The following LRRC37A2 variants were observed in gnomAD, a reference collection of about 807,000 sequenced individuals.
The protein encoded by LRRC37A2 is leucine rich repeat containing 37 member A2.
LRRC37A2 carries 9 observed loss-of-function variants against 68.8 expected under a neutral mutation model. That is an observed-to-expected ratio of 0.13 (90% CI 0.08 to 0.23). LRRC37A2 has a LOEUF of 0.23. LRRC37A2 is among the 10% of genes least tolerant of loss of function. LRRC37A2 has a pLI of 1.00. For synonymous variants in LRRC37A2, 63 were observed against 367.6 expected (o/e 0.17, Z 9.48); for missense variants, 168 against 950.4 (o/e 0.18, Z 10.82).
At chr17:46,392,409 TTC>T in the LRRC37A2 span, among the ~76,000 whole-genome samples, 90 of 49,504 alleles carry the variant, frequency 1.8e-3, 1 homozygote, top group African/African-American at 3.4e-3. Context: ...CTTTCTTTCT[TTC>T]TCTCTCTCTC....
chr17:46,610,103 C>T, the LRRC37A2 span, among the ~76,000 whole-genome samples: 1 of 73,308 alleles, frequency 1.4e-5, no homozygotes, highest in Admixed American at 1.2e-4. Flanking sequence ...CTCTCTTTCT[C>T]TCTCTCTCTC....
the LRRC37A2 span, among the ~76,000 whole-genome samples, chr17:46,877,878 C>G: frequency 6.6e-6 from 1 of 152,226 alleles, no homozygotes; most frequent in Non-Finnish European, 1.5e-5. Context: ...TGGGTAGCCT[C>G]CTTCAGTTCC....
At chr17:46,868,268 C>T in the LRRC37A2 span, among the ~76,000 whole-genome samples, 1 of 152,242 alleles carries the variant, frequency 6.6e-6, no homozygotes, top group Non-Finnish European at 1.5e-5. Flanking sequence ...GATAGCATCT[C>T]ATTGGCCATA....
chr17:46,901,441 A>G, the LRRC37A2 span, among the ~76,000 whole-genome samples: 1 of 152,084 alleles, frequency 6.6e-6, no homozygotes, highest in South Asian at 2.1e-4. Context: ...GGATTACGGC[A>G]TGAGCCACCA....
chr17:46,495,336 G>C, the LRRC37A2 span, among the ~76,000 whole-genome samples: 1 of 148,340 alleles, frequency 6.7e-6, no homozygotes, highest in Non-Finnish European at 1.5e-5. Context: ...GCCTCCCAAA[G>C]TGCTGGGATT....
At chr17:46,773,531 C>A in the LRRC37A2 span, 1 of 1,020,546 alleles carries the variant, frequency 9.8e-7, no homozygotes, top group Admixed American at 2.7e-5. Flanking sequence ...GTGTGGCAGT[C>A]ATGCAACCAA....
chr17:46,865,493 G>C, the LRRC37A2 span, among the ~76,000 whole-genome samples: 166 of 152,318 alleles, frequency 1.1e-3, 1 homozygote, highest in South Asian at 1.9e-3. Context: ...TCATGGGGAT[G>C]GAGGGTGAGA....
At chr17:46,972,948 T>A in the LRRC37A2 span, 1 of 153,728 alleles carries the variant, frequency 6.5e-6, no homozygotes, top group African/African-American at 2.4e-5. Flanking sequence ...GTACGTCAAG[T>A]TTATTAGGAG....
At chr17:46,828,922 A>G in the LRRC37A2 span, among the ~76,000 whole-genome samples, 1 of 152,062 alleles carries the variant, frequency 6.6e-6, no homozygotes, top group South Asian at 2.1e-4. Flanking sequence ...CTGCACTCCA[A>G]CCTGTGTGAC....
the LRRC37A2 span, among the ~76,000 whole-genome samples, chr17:46,740,897 G>C: frequency 6.6e-6 from 1 of 151,852 alleles, no homozygotes; most frequent in Non-Finnish European, 1.5e-5. Context: ...CCTGACCGTT[G>C]GTGATCTGCC....
At chr17:46,967,204 G>A in the LRRC37A2 span, among the ~76,000 whole-genome samples, 2 of 152,238 alleles carry the variant, frequency 1.3e-5, no homozygotes, top group East Asian at 3.8e-4. Flanking sequence ...GTTACCTCCT[G>A]GTTTGGAGTG....
At chr17:46,931,323 A>G in the LRRC37A2 span, 1 of 712,236 alleles carries the variant, frequency 1.4e-6, no homozygotes, top group Non-Finnish European at 2.6e-6. Flanking sequence ...AAAAACTATG[A>G]CTATGCAAAG....
At chr17:46,936,393 C>G in the LRRC37A2 span, 2 of 985,406 alleles carry the variant, frequency 2.0e-6, no homozygotes, top group South Asian at 9.4e-5. Flanking sequence ...CAGCACACCT[C>G]TTGCCACCCA....
the LRRC37A2 span, chr17:46,930,037 G>T: frequency 1.7e-4 from 25 of 144,696 alleles, no homozygotes; most frequent in Middle Eastern, 7.2e-3. Context: ...CTGGTTTTTT[G>T]TTTTTTTTCA....
At chr17:46,713,863 C>T in the LRRC37A2 span, 2 of 1,611,406 alleles carry the variant, frequency 1.2e-6, no homozygotes, top group East Asian at 2.2e-5. Flanking sequence ...GCCCTCCTCA[C>T]AGTGGGAAGA....
chr17:46,778,314 A>G, the LRRC37A2 span, among the ~76,000 whole-genome samples: 1 of 152,202 alleles, frequency 6.6e-6, no homozygotes, highest in Non-Finnish European at 1.5e-5. Context: ...GATCTGGATG[A>G]GGGTTCAAGG....
the LRRC37A2 span, among the ~76,000 whole-genome samples, chr17:46,719,853 T>G: frequency 3.9e-5 from 6 of 152,222 alleles, no homozygotes; most frequent in East Asian, 1.2e-3. The surrounding 1 kb of genome is among the most constrained non-coding windows in gnomAD (Gnocchi z 4.3). Flanking sequence ...AGAACTAAAT[T>G]GTTTGAACAA....
chr17:46,932,134 C>T, the LRRC37A2 span: 14 of 1,613,932 alleles, frequency 8.7e-6, 1 homozygote, highest in Admixed American at 3.3e-5. Context: ...CCAGCATCGG[C>T]GCCATGCAAG....
chr17:46,956,348 T>C, the LRRC37A2 span, among the ~76,000 whole-genome samples: 37 of 138,800 alleles, frequency 2.7e-4, no homozygotes, highest in African/African-American at 9.1e-4. Context: ...TGGAGTGCAA[T>C]GCTGCCATCT....
Sources: gnomAD v4.1 joint callset for allele counts (sites outside exome capture counted in the v4.1 genomes callset) on GRCh38, gnomAD v4.1.1 for gene constraint, Gnocchi (gnomAD v3.1) non-coding constraint, MANE v1.5 for transcripts, NCBI Gene and HGNC (gene_info 2026-07-23, HGNC 2026-07-21) for gene names.